The following ULK1 variants were observed in gnomAD, a reference collection of about 807,000 sequenced individuals.
The protein encoded by ULK1 is serine/threonine-protein kinase ULK1.
Under a neutral mutation model 117.5 loss-of-function variants are expected in ULK1, and 48 were observed. That is an observed-to-expected ratio of 0.41 (90% CI 0.32 to 0.52). The LOEUF (loss-of-function observed/expected upper bound fraction) is 0.52, where lower values mean the gene tolerates loss of function less well. Ranked by LOEUF, ULK1 falls within the 20% of genes least tolerant of loss-of-function variation. ULK1 has a pLI of 0.29. For synonymous variants in ULK1, 790 were observed against 637.8 expected, an observed-to-expected ratio of 1.24 and a Z score of -3.60; for missense variants, 1,387 against 1,473.4, an observed-to-expected ratio of 0.94 and a Z score of 0.96.
chr12:131,910,420 G>C, intron 11 of ULK1, 116 bp downstream of exon 11: 1 of 1,494,664 alleles, frequency 6.7e-7, no homozygotes, highest in Non-Finnish European at 9.3e-7. Flanking sequence ...GCTGCGGCCA[G>C]CTCCCAGGGA....
At chr12:131,896,200 G>A (rs992214164) in intron 3 of ULK1, among the ~76,000 whole-genome samples, 8 of 152,094 alleles carry the variant, frequency 5.3e-5, no homozygotes, top group Non-Finnish European at 1.0e-4. Context: ...TTGCTCCTGC[G>A]GCCGGCATTG....
At chr12:131,912,632 G>A (rs1047459584) in intron 13 of ULK1, among the ~76,000 whole-genome samples, 2 of 152,238 alleles carry the variant, frequency 1.3e-5, no homozygotes, top group Non-Finnish European at 1.5e-5. Context: ...TGGTCCCCGT[G>A]TCTGCCAGGG....
intron 6 of ULK1, 22 bp downstream of exon 6, chr12:131,908,839 CG>C: frequency 6.2e-7 from 1 of 1,604,320 alleles, no homozygotes; most frequent in Non-Finnish European, 8.5e-7. Context: ...GGCAGGCAGG[CG>C]GGCCCGGCGG....
At position 131,912,064 on chromosome 12, in the gene ULK1, C is replaced by T. The variant is rs1455084208; in HGVS notation, c.1071C>T (p.Phe357=). ...SKDSSCDTDD[F]VMVPAQFPGD... The stretch of plus-strand genomic sequence containing the variant: ...ACTCTTCCTGTGACACAGACGACTT[C>T]GTCATGGTCCCCGCGCAGTTTCCAG... Residue 357 remains phenylalanine (F), a synonymous_variant, in exon 13 of 28, where the codon TTC becomes TTT. Transcript: ENST00000321867. The T allele has an allele frequency of 6.8e-6, 11 of 1,612,358 alleles. No homozygotes were observed. The highest frequency in any genetic ancestry group is 1.3e-5 in the African/African-American group (1 of 74,944).
chr12:131,909,908 T>C lies in ULK1; in HGVS notation c.726-11T>C. The C allele has an allele frequency of 6.2e-7, 1 of 1,611,660 alleles. No homozygotes were observed. The highest frequency in any genetic ancestry group is 8.5e-7 in the Non-Finnish European group (1 of 1,179,592). Reference sequence around the variant, plus strand: ...GCAGGCCCTGCTCACACCAGCCTCCTCTTGCCCCAGCATCCCCCGGGAGAC... The same window carrying C: ...GCAGGCCCTGCTCACACCAGCCTCCCCTTGCCCCAGCATCCCCCGGGAGAC... On this transcript the variant is annotated splice_polypyrimidine_tract_variant and intron_variant, in intron 9 of 27. Transcript: ENST00000321867.
At chr12:131,907,666 T>C in intron 5 of ULK1, 135 bp downstream of exon 5, 7 of 1,142,138 alleles carry the variant, frequency 6.1e-6, no homozygotes, top group Non-Finnish European at 8.5e-6. Flanking sequence ...CTCTTTCTTG[T>C]CCCCCTGGGC....
chr12:131,895,069 G>A lies in ULK1; in HGVS notation c.68G>A (p.Gly23Asp). ...KFEFSRKDLI[G>D]HGAFAVVFKG... ...GAGTTCTCCCGCAAGGACCTGATCG[G>A]CCACGGCGCCTTCGCGGTGGTCTTC... The change falls in exon 1 of 28, where the codon GGC becomes GAC. Residue 23 changes from glycine (G) to aspartate (D), a missense_variant. Around this residue, in one of 4 missense-constraint regions of ULK1, gnomAD observed 224 missense variants for 325.2 expected, o/e 0.69. Transcript: ENST00000321867. The A allele has an allele frequency of 6.3e-7, 1 of 1,581,798 alleles. No individual in the cohort carries two copies.
At position 131,909,965 on chromosome 12, in the gene ULK1, C is replaced by T. The variant is rs1325917250; in HGVS notation, c.772C>T (p.Leu258=). The stretch of plus-strand genomic sequence containing the variant: ...CCCGCTGCGGCAGCTGCTCCTGGCC[C>T]TACTGCAACGCAACCACAAGGACCG... ...SAPLRQLLLA[L]LQRNHKDRMD... Residue 258 remains leucine, a synonymous_variant, in exon 10 of 28, where the codon CTA becomes TTA. Coordinates refer to ENST00000321867, the MANE Select transcript of ULK1 (RefSeq NM_003565.4). 1 of 1,612,182 alleles carries T rather than the reference C, an allele frequency of 6.2e-7. No individual in the cohort carries two copies. Among genetic ancestry groups the T allele is most frequent in the Non-Finnish European group, 8.5e-7 (1 of 1,179,854 alleles).
chr12:131,914,599 C>T lies in ULK1; in HGVS notation c.1373+122C>T, dbSNP rs367948755. On this transcript the variant is annotated intron_variant, in intron 16 of 27. Coordinates refer to ENST00000321867, the MANE Select transcript of ULK1 (RefSeq NM_003565.4). ...GTGCAGTTGTGCAGGCTGCGCACTGCGTAACTCAGCACCACCATTTACTTT... is the reference window on the plus strand; with the variant it reads ...GTGCAGTTGTGCAGGCTGCGCACTGTGTAACTCAGCACCACCATTTACTTT... 1,156 of 1,292,026 alleles carry T rather than the reference C, an allele frequency of 8.9e-4. 28 individuals are homozygous for T. In the South Asian group the frequency reaches 0.017, roughly 19 times the overall value. 80.0% of individuals were successfully genotyped at this position (1,292,026 alleles called of 1,614,324 possible).
At position 131,917,004 on chromosome 12, in the gene ULK1, G is replaced by A; in HGVS notation, c.2124G>A (p.Gly708=). 6.2e-7 allele frequency: 1 copy of A among 1,611,308 alleles called. No homozygotes were observed. Among genetic ancestry groups the A allele is most frequent in the Non-Finnish European group, 8.5e-7 (1 of 1,179,592 alleles). The change falls in exon 21 of 28, where the codon GGG becomes GGA. Residue 708 remains glycine (G), a synonymous_variant. Coordinates refer to ENST00000321867, the MANE Select transcript of ULK1 (RefSeq NM_003565.4). ...LTDLLLKAAF[G]TQAPDPGSTE... is the part of the protein sequence containing the mutation. Reference sequence around the variant, plus strand: ...ACCTGCTCCTTAAGGCGGCGTTTGGGACACAAGCCCCGGACCCGGGCAGCA... The same window carrying A: ...ACCTGCTCCTTAAGGCGGCGTTTGGAACACAAGCCCCGGACCCGGGCAGCA...
Position 131,915,186 on chromosome 12 carries a change from A to G in ULK1, c.1477A>G (p.Lys493Glu). The change falls in exon 17 of 28, where the codon AAG (lysine) becomes GAG (glutamate). Residue 493 changes from lysine (K) to glutamate (E), a missense_variant. By Grantham distance (56) the Lys-to-Glu change is moderately conservative (BLOSUM62 1). Coordinates refer to ENST00000321867, the MANE Select transcript of ULK1 (RefSeq NM_003565.4). Reference sequence around the variant, plus strand: ...TGAGCATGGAGGCGTCCTGGCCAGGAAGATGTCTCTGGGTGGAGGCCGGCC... The same window carrying G: ...TGAGCATGGAGGCGTCCTGGCCAGGGAGATGTCTCTGGGTGGAGGCCGGCC... Reference protein sequence around the residue: ...HAEHGGVLARKMSLGGGRPYT... With the variant: ...HAEHGGVLAREMSLGGGRPYT... 2.5e-6 allele frequency: 4 copies of G among 1,601,550 alleles called. No individual in the cohort carries two copies. The highest frequency in any genetic ancestry group is 3.4e-6 in the Non-Finnish European group (4 of 1,174,682).
chr12:131,912,326 G>A (rs1260587791), intron 13 of ULK1, among the ~76,000 whole-genome samples: 2 of 152,316 alleles, frequency 1.3e-5, no homozygotes, highest in East Asian at 3.9e-4. Context: ...CATAGGCCTG[G>A]TCTCCTTAGA....
At chr12:131,921,013 C>T in intron 26 of ULK1, 87 bp from the exon 27 acceptor site, 1 of 1,467,874 alleles carries the variant, frequency 6.8e-7, no homozygotes, top group Non-Finnish European at 9.0e-7. Flanking sequence ...TCTGCCACCC[C>T]TGGGCCGCTG....
chr12:131,918,390 G>A (rs746699720), intron 22 of ULK1, 107 bp from the exon 23 acceptor site: 129 of 1,357,334 alleles, frequency 9.5e-5, no homozygotes, highest in Middle Eastern at 1.8e-4. Context: ...GGTGTAAACC[G>A]AGGCAGAGGC....
Position 131,917,075 on chromosome 12 carries a change from G to GTGGGGCTCGGAGGCTGTGGGA in ULK1, c.2182+19_2182+39dup, listed in dbSNP as rs1566126166. 4.2e-4 allele frequency: 537 copies of GTGGGGCTCGGAGGCTGTGGGA among 1,292,562 alleles called. 56 individuals are homozygous for GTGGGGCTCGGAGGCTGTGGGA. The South Asian group carries it at 6.3e-3, about 15-fold the overall frequency. The allele number at this position is 1,292,562 out of a possible 1,614,324, so 80.1% of individuals were successfully genotyped here. On this transcript the variant is annotated intron_variant, in intron 21 of 27. Coordinates refer to ENST00000321867, the MANE Select transcript of ULK1 (RefSeq NM_003565.4). ...CCCATGGAGATCGGTGTGTGGGTGGGTGGGGCTCGGAGGCTGTGGGATGGG... is the reference window on the plus strand; with the variant it reads ...CCCATGGAGATCGGTGTGTGGGTGGGTGGGGCTCGGAGGCTGTGGGATGGGGCTCGGAGGCTGTGGGATGGG...
intron 16 of ULK1, 42 bp from the exon 17 acceptor site, chr12:131,915,041 G>T (rs1889710692): frequency 6.6e-7 from 1 of 1,515,482 alleles, no homozygotes; most frequent in African/African-American, 1.4e-5. Context: ...GGTCAGGCAG[G>T]GCTGCTGAGG....
rs1041786532 is a variant in ULK1, at chr12:131,907,519, G to A, written c.304G>A (p.Asp102Asn). The A allele has an allele frequency of 1.2e-5, 19 of 1,612,254 alleles. No homozygotes were observed. Among genetic ancestry groups the A allele is most frequent in the Admixed American group, 1.7e-5 (1 of 59,978 alleles). ...GTACTGCAACGGTGGGGACCTGGCC[G>A]ACTACCTGCACGGTGAGTGCACAGC... ...MEYCNGGDLADYLHAMRTLSE... is the reference protein window; with the variant it reads ...MEYCNGGDLANYLHAMRTLSE... Residue 102 changes from aspartate (D) to asparagine (N), a missense_variant, in exon 5 of 28, where the codon GAC becomes AAC. By Grantham distance (23) the Asp-to-Asn change is conservative. Transcript: ENST00000321867.
Position 131,917,511 on chromosome 12 carries a change from C to G in ULK1, c.2283C>G (p.Ser761Arg). 1 of 1,467,752 alleles carries G rather than the reference C, an allele frequency of 6.8e-7. No homozygotes were observed. Among genetic ancestry groups the G allele is most frequent in the Non-Finnish European group, 9.0e-7 (1 of 1,107,246 alleles). 90.9% of individuals were successfully genotyped at this position (1,467,752 alleles called of 1,614,324 possible). Residue 761 changes from serine (S) to arginine (R), a missense_variant, in exon 22 of 28, where the codon AGC (serine) becomes AGG (arginine). Ser to Arg is a moderately radical substitution (Grantham distance 110). This residue lies in a region of ULK1 where 900 missense variants were observed against 858.9 expected (regional missense o/e 1.05). Coordinates refer to ENST00000321867, the MANE Select transcript of ULK1 (RefSeq NM_003565.4). ...TCTTCACCGTGGGCTCTCCCCCGAGCGGGAGCACGCCCCCCCAGGGCCCCC... is the reference window on the plus strand; with the variant it reads ...TCTTCACCGTGGGCTCTCCCCCGAGGGGGAGCACGCCCCCCCAGGGCCCCC... ...PVVFTVGSPP[S>R]GSTPPQGPRT... is the part of the protein sequence containing the mutation.
chr12:131,919,760 C>A, intron 25 of ULK1, 170 bp downstream of exon 25: 1 of 1,030,124 alleles, frequency 9.7e-7, no homozygotes, highest in Non-Finnish European at 1.4e-6. Flanking sequence ...TTGGGTCGGA[C>A]AGCACCCTGG....
Sources: allele counts gnomAD v4.1 joint callset (sites outside exome capture counted in the v4.1 genomes callset), GRCh38; gene constraint gnomAD v4.1.1; regional missense constraint gnomAD v4.1.1; transcripts MANE v1.5; gene names NCBI Gene and HGNC (gene_info 2026-07-23, HGNC 2026-07-21).